Variants in ZNF510 observed in about 807,000 individuals in gnomAD.
ZNF510 encodes the protein zinc finger protein 510.
In ZNF510, 15 loss-of-function variants were observed where a neutral mutation model predicts 18.1. The ratio of observed to expected loss-of-function variants is 0.83; its 90% CI spans 0.55 to 1.28. The LOEUF is 1.28. Ranked by LOEUF, ZNF510 falls within the 50% of genes most tolerant of loss-of-function variation. The probability of loss-of-function intolerance (pLI) is 0.00; values close to 1 mark genes in which losing one functional copy is unlikely to be tolerated. For synonymous variants in ZNF510, 261 were observed against 266.4 expected, an observed-to-expected ratio of 0.98 and a Z score of 0.20; for missense variants, 724 against 791.8, an observed-to-expected ratio of 0.91 and a Z score of 1.03.
chr9:96,759,667 G>A lies in ZNF510; in HGVS notation c.1163C>T (p.Thr388Met), dbSNP rs554451874. ...TCTTCGGCGAACTCTGTGAACCGAC[G>A]TCTGGTAGGATTTCTTATTTTCATG... is the stretch of plus-strand genomic sequence containing the variant. Reference protein sequence around the residue: ...EYHENKKSYQTSVHRVRRRSH... With the variant: ...EYHENKKSYQMSVHRVRRRSH... Residue 388 changes from threonine to methionine, a missense_variant, in exon 6 of 6, where the codon ACG (threonine) becomes ATG (methionine). Physicochemically the swap from Thr to Met is moderately conservative, Grantham distance 81. Coordinates refer to ENST00000223428, the MANE Select transcript of ZNF510 (RefSeq NM_014930.3). 46 of 1,613,510 alleles carry A rather than the reference G, an allele frequency of 2.9e-5. No homozygotes were observed. In the Admixed American group the frequency reaches 3.5e-4, roughly 12 times the overall value.
chr9:96,764,684 T>TTA (rs1368806197), intron 3 of ZNF510, among the ~76,000 whole-genome samples: 1 of 151,848 alleles, frequency 6.6e-6, no homozygotes, highest in Non-Finnish European at 1.5e-5. Flanking sequence ...AAAGGAAACA[T>TTA]TATATATATA....
intron 3 of ZNF510, among the ~76,000 whole-genome samples, chr9:96,768,222 CAATA>C (rs1274467769): frequency 2.0e-5 from 3 of 152,122 alleles, no homozygotes; most frequent in African/African-American, 4.8e-5. Flanking sequence ...TGCTGCAACA[CAATA>C]AAAAGCATTT....
chr9:96,766,473 G>C (rs1231902445), intron 3 of ZNF510, among the ~76,000 whole-genome samples: 1 of 151,600 alleles, frequency 6.6e-6, no homozygotes, highest in East Asian at 1.9e-4. Flanking sequence ...CAGCTGCAGA[G>C]TTTGGTAGAT....
In ZNF510 at chr9:96,758,889, T is replaced by C; in HGVS notation, c.1941A>G (p.Gln647=). 6.2e-7 allele frequency: 1 copy of C among 1,614,128 alleles called. No individual in the cohort carries two copies. The highest frequency in any genetic ancestry group is 8.5e-7 in the Non-Finnish European group (1 of 1,179,988). The change falls in exon 6 of 6, where the codon CAA becomes CAG. Residue 647 remains glutamine, a synonymous_variant. Coordinates refer to ENST00000223428, the MANE Select transcript of ZNF510 (RefSeq NM_014930.3). Reference sequence around the variant, plus strand: ...AAGATTTCTCCCCACTGTGAGTCCTTTGATGTATTCTGAGGTTTGATTTCT... The same window carrying C: ...AAGATTTCTCCCCACTGTGAGTCCTCTGATGTATTCTGAGGTTTGATTTCT... ...FGQKSNLRIH[Q]RTHSGEKSYE...
intron 5 of ZNF510, among the ~76,000 whole-genome samples, chr9:96,762,120 G>A (rs967716752): frequency 1.5e-4 from 22 of 151,074 alleles, no homozygotes; most frequent in African/African-American, 4.9e-4. Context: ...TTGGGTGATG[G>A]GTGCATCAGA....
chr9:96,770,250 C>T (rs550280050), intron 3 of ZNF510, among the ~76,000 whole-genome samples: 212 of 152,112 alleles, frequency 1.4e-3, no homozygotes, highest in Non-Finnish European at 6.6e-4. Context: ...TGTACTGATA[C>T]GTACAACATG....
chr9:96,766,533 AAG>A (rs1443845043), intron 3 of ZNF510, among the ~76,000 whole-genome samples: 1 of 152,198 alleles, frequency 6.6e-6, no homozygotes, highest in East Asian at 1.9e-4. Context: ...CATTTACAGA[AAG>A]TTTTCTGACC....
chr9:96,775,876 A>C, intron 2 of ZNF510, 124 bp downstream of exon 2: 20 of 1,247,282 alleles, frequency 1.6e-5, no homozygotes, highest in Non-Finnish European at 2.0e-5. Context: ...GAGGAGGATT[A>C]GAGACAATTT....
chr9:96,761,928 T>C, intron 5 of ZNF510, among the ~76,000 whole-genome samples: 1 of 152,172 alleles, frequency 6.6e-6, no homozygotes, highest in Non-Finnish European at 1.5e-5. Context: ...AATCATATCT[T>C]TTTGTCAGTC....
At chr9:96,763,081 C>T (rs1180958981) in intron 5 of ZNF510, 37 bp downstream of exon 5, 3 of 1,569,868 alleles carry the variant, frequency 1.9e-6, no homozygotes, top group Non-Finnish European at 2.6e-6. Flanking sequence ...TCTAACCACT[C>T]CTGCAGAATT....
Position 96,759,535 on chromosome 9 carries a change from A to T in ZNF510, c.1295T>A (p.Phe432Tyr). The stretch of plus-strand genomic sequence containing the variant: ...AGTTTTTCCACATTCACTACATTCA[A>T]ATGGTTTCTCTCCTGTGTGAGTTCT... ...HQRTHTGEKP[F>Y]ECSECGKTFS... is the part of the protein sequence containing the mutation. Residue 432 changes from phenylalanine (F) to tyrosine (Y), a missense_variant, in exon 6 of 6, where the codon TTT becomes TAT. Phe to Tyr is a conservative substitution (Grantham distance 22). Coordinates refer to ENST00000223428, the MANE Select transcript of ZNF510 (RefSeq NM_014930.3). The T allele has an allele frequency of 6.2e-7, 1 of 1,613,750 alleles. No homozygotes were observed. Among genetic ancestry groups the T allele is most frequent in the Non-Finnish European group, 8.5e-7 (1 of 1,179,902 alleles).
chr9:96,766,393 GTAAA>G (rs1317187692), intron 3 of ZNF510, among the ~76,000 whole-genome samples: 1 of 65,042 alleles, frequency 1.5e-5, no homozygotes, highest in Non-Finnish European at 3.5e-5. Context: ...TTTTTTTTTT[GTAAA>G]TAAAGTTTTC....
Position 96,776,172 on chromosome 9 carries a change from C to A in ZNF510, c.-103G>T. The stretch of plus-strand genomic sequence containing the variant: ...GGTTCTTCTGCATCTGTTTGGAAGC[C>A]CTGGTGAGGAGGTCTCTGTTCTGTC... On this transcript the variant is annotated 5_prime_UTR_variant, in exon 2 of 6. Transcript: ENST00000223428. The A allele has an allele frequency of 6.7e-7, 1 of 1,497,004 alleles. No homozygotes were observed. Among genetic ancestry groups the A allele is most frequent in the Non-Finnish European group, 8.9e-7 (1 of 1,119,422 alleles). The allele number at this position is 1,497,004 out of a possible 1,614,324, so 92.7% of individuals were successfully genotyped here. A position where few individuals can be genotyped will look rare whatever the true frequency, so the allele number is the denominator to read the frequency against.
intron 5 of ZNF510, among the ~76,000 whole-genome samples, chr9:96,760,979 A>G (rs150393104): frequency 0.01 from 1,566 of 152,062 alleles, 29 homozygotes; most frequent in African/African-American, 0.035. Flanking sequence ...TCTATTGTCT[A>G]CATTCTTACA....
chr9:96,761,013 A>G (rs971683970), intron 5 of ZNF510, among the ~76,000 whole-genome samples: 11 of 152,104 alleles, frequency 7.2e-5, no homozygotes, highest in Admixed American at 5.2e-4. Flanking sequence ...CATCAATTCA[A>G]CATCAAATTA....
At position 96,759,599 on chromosome 9, in the gene ZNF510, T is replaced by TC. The variant is rs772700311; in HGVS notation, c.1230dup (p.Lys411GlufsTer23). The TC allele has an allele frequency of 6.2e-7, 1 of 1,614,072 alleles. No individual in the cohort carries two copies. The highest frequency in any genetic ancestry group is 8.5e-7 in the Non-Finnish European group (1 of 1,180,006). ...AGATGTCCTTTCTGACAGAAGGATT[T>TC]CCCACATTCATTACATTTATAGGGT... is the stretch of plus-strand genomic sequence containing the variant. On this transcript the variant is annotated frameshift_variant, in exon 6 of 6. Coordinates refer to ENST00000223428, the MANE Select transcript of ZNF510 (RefSeq NM_014930.3). LOFTEE classifies it low-confidence loss of function (END_TRUNC).
At chr9:96,766,064 G>A (rs1207397472) in intron 3 of ZNF510, among the ~76,000 whole-genome samples, 1 of 152,062 alleles carries the variant, frequency 6.6e-6, no homozygotes, top group African/African-American at 2.4e-5. Context: ...GTGACTAGAG[G>A]CTTAACCCCA....
rs1849223606 is a variant in ZNF510, at chr9:96,757,480, G to A, written c.*1298C>T. On this transcript the variant is annotated 3_prime_UTR_variant, in exon 6 of 6. Coordinates refer to ENST00000223428, the MANE Select transcript of ZNF510 (RefSeq NM_014930.3). Reference sequence around the variant, plus strand: ...CTTGACTCTCTAGCCTCCTAATAAGGTTTGTGCCCTCTGATTGACTTAAGC... The same window carrying A: ...CTTGACTCTCTAGCCTCCTAATAAGATTTGTGCCCTCTGATTGACTTAAGC... 1 of 152,058 alleles carries A rather than the reference G, an allele frequency of 6.6e-6. No homozygotes were observed. Among genetic ancestry groups the A allele is most frequent in the South Asian group, 2.1e-4 (1 of 4,822 alleles). 9.4% of individuals were successfully genotyped at this position (152,058 alleles called of 1,614,324 possible).
chr9:96,773,234 A>G (rs1179028875), intron 3 of ZNF510, among the ~76,000 whole-genome samples: 1 of 152,206 alleles, frequency 6.6e-6, no homozygotes, highest in African/African-American at 2.4e-5. Context: ...ATGAATTTAC[A>G]TATGTAAAAA....
Sources: allele counts gnomAD v4.1 joint callset (sites outside exome capture counted in the v4.1 genomes callset), GRCh38; gene constraint gnomAD v4.1.1; transcripts MANE v1.5; gene names NCBI Gene and HGNC (gene_info 2026-07-23, HGNC 2026-07-21).